The following NEDD4L variants were observed in gnomAD, a reference collection of about 807,000 sequenced individuals.
NEDD4L encodes E3 ubiquitin-protein ligase NEDD4-like.
In NEDD4L, 54 loss-of-function variants were observed where a neutral mutation model predicts 148.9. That is an observed-to-expected ratio of 0.36 (90% confidence interval 0.29 to 0.45). The LOEUF is 0.45. NEDD4L is among the 20% of genes least tolerant of loss of function. NEDD4L has a pLI of 1.00. For missense variants in NEDD4L, 856 were observed against 1,233.8 expected, an observed-to-expected ratio of 0.69 and a Z score of 4.59; for synonymous variants, 433 against 440.7, an observed-to-expected ratio of 0.98 and a Z score of 0.22.
intron 5 of NEDD4L, among the ~76,000 whole-genome samples, chr18:58,305,791 G>T (rs1289425934): frequency 1.3e-5 from 2 of 152,156 alleles, no homozygotes; most frequent in Non-Finnish European, 2.9e-5. Context: ...TCATCAAGCT[G>T]GTGTGTGGAA....
Position 58,256,923 on chromosome 18 carries a change from A to G in NEDD4L, c.297+4869A>G, listed in dbSNP as rs2048671027. ...GAATGTTTGGCCGAGTTCTGGCACG[A>G]TGATTTGTGGTCCAGTGTTTGGTGC... On this transcript the variant is annotated intron_variant, in intron 5 of 30. Transcript: ENST00000400345. This position sits in a 1 kb window ranked among gnomAD's most constrained non-coding sequence, Gnocchi z 5.2. 1 of 700,026 alleles carries G rather than the reference A, an allele frequency of 1.4e-6. No homozygotes were observed. Among genetic ancestry groups the G allele is most frequent in the African/African-American group, 1.8e-5 (1 of 54,240 alleles). 43.4% of individuals were successfully genotyped at this position (700,026 alleles called of 1,614,324 possible).
intron 1 of NEDD4L, among the ~76,000 whole-genome samples, chr18:58,133,758 A>T (rs2032479672): frequency 1.3e-5 from 2 of 152,206 alleles, no homozygotes; most frequent in African/African-American, 4.8e-5. Context: ...AATAGGACAC[A>T]GAGTTGCCAT....
rs1000052310 is a variant in NEDD4L at position 58,256,402 on chromosome 18, G to C, written c.297+4348G>C. On this transcript the variant is annotated intron_variant, in intron 5 of 30. Transcript: ENST00000400345. This position sits in a 1 kb window ranked among gnomAD's most constrained non-coding sequence, Gnocchi z 5.2. ...TGCAGCAGCCCCAACAAGGCGCTTC[G>C]GGGCCAGGCAGCGACCTCAACTTTG... 3 of 1,232,238 alleles carry C rather than the reference G, an allele frequency of 2.4e-6. No homozygotes were observed. The allele number at this position is 1,232,238 out of a possible 1,614,324, so 76.3% of individuals were successfully genotyped here. A position where few individuals can be genotyped will look rare whatever the true frequency, so the allele number is the denominator to read the frequency against.
At chr18:58,231,964 T>G (rs1408503958) in intron 2 of NEDD4L, among the ~76,000 whole-genome samples, 3 of 152,222 alleles carry the variant, frequency 2.0e-5, no homozygotes, top group African/African-American at 7.2e-5. Context: ...TGGTTAAATA[T>G]AACAGAGGTC....
At chr18:58,235,972 G>A (rs1396138777) in intron 2 of NEDD4L, among the ~76,000 whole-genome samples, 3 of 152,102 alleles carry the variant, frequency 2.0e-5, no homozygotes, top group Non-Finnish European at 4.4e-5. Context: ...GGCGGAGGCT[G>A]CAGTGAACTG....
intron 2 of NEDD4L, among the ~76,000 whole-genome samples, chr18:58,208,796 A>G (rs559794727): frequency 6.6e-6 from 1 of 152,342 alleles, no homozygotes; most frequent in Admixed American, 6.5e-5. Context: ...ACAGAGCTGT[A>G]TATCAAGCTG....
At chr18:58,271,255 T>A (rs2051001110) in intron 5 of NEDD4L, among the ~76,000 whole-genome samples, 1 of 152,166 alleles carries the variant, frequency 6.6e-6, no homozygotes, top group Non-Finnish European at 1.5e-5. Context: ...CCTTTAGGGT[T>A]AATGAATTTC....
At chr18:58,056,919 G>C (rs891704205) in intron 1 of NEDD4L, among the ~76,000 whole-genome samples, 3 of 75,726 alleles carry the variant, frequency 4.0e-5, no homozygotes, top group South Asian at 1.0e-3. Context: ...TTGTTTGTTT[G>C]TTTATAACTG....
intron 1 of NEDD4L, among the ~76,000 whole-genome samples, chr18:58,051,513 C>T (rs964458976): frequency 2.0e-5 from 3 of 150,790 alleles, no homozygotes; most frequent in African/African-American, 7.4e-5. Flanking sequence ...AACCTGTTTG[C>T]TTGTGCGGTG....
At chr18:58,231,743 TA>T (rs1332363812) in intron 2 of NEDD4L, among the ~76,000 whole-genome samples, 1 of 152,102 alleles carries the variant, frequency 6.6e-6, no homozygotes, top group Non-Finnish European at 1.5e-5. Flanking sequence ...TTTGTATTTT[TA>T]GTAGAGATGG....
chr18:58,156,953 G>A (rs1203630505), intron 1 of NEDD4L, among the ~76,000 whole-genome samples: 1 of 151,892 alleles, frequency 6.6e-6, no homozygotes, highest in Non-Finnish European at 1.5e-5. Context: ...GCAGAGGTGG[G>A]CAGATCTCTT....
chr18:58,358,366 T>A (rs749078080), intron 19 of NEDD4L, among the ~76,000 whole-genome samples: 24 of 152,190 alleles, frequency 1.6e-4, no homozygotes, highest in Non-Finnish European at 2.9e-5. Context: ...CTCTGATGCT[T>A]CCTTTTGATA....
intron 22 of NEDD4L, among the ~76,000 whole-genome samples, chr18:58,369,397 C>A (rs2046529363): frequency 6.6e-6 from 1 of 152,128 alleles, no homozygotes; most frequent in Admixed American, 6.5e-5. Flanking sequence ...CATAGATGGG[C>A]CTAGTCAGCA....
At chr18:58,120,554 C>T (rs1473704771) in intron 1 of NEDD4L, among the ~76,000 whole-genome samples, 6 of 151,900 alleles carry the variant, frequency 3.9e-5, no homozygotes, top group African/African-American at 7.3e-5. Context: ...CTGAGGCGGG[C>T]GGATCACGAG....
At position 58,385,512 on chromosome 18, in the gene NEDD4L, C is replaced by T; in HGVS notation, c.2427-14C>T. ...GATGGAGGTGGTTCAATATTGTCCTCTTTTCTCCTGCAGCTTAGTCATCCA... is the reference window on the plus strand; with the variant it reads ...GATGGAGGTGGTTCAATATTGTCCTTTTTTCTCCTGCAGCTTAGTCATCCA... On this transcript the variant is annotated splice_polypyrimidine_tract_variant and intron_variant, in intron 25 of 30. Transcript: ENST00000400345. 1 of 1,611,464 alleles carries T rather than the reference C, an allele frequency of 6.2e-7. No homozygotes were observed. Among genetic ancestry groups the T allele is most frequent in the Non-Finnish European group, 8.5e-7 (1 of 1,177,584 alleles).
At chr18:58,299,550 G>T (rs550676232) in intron 5 of NEDD4L, among the ~76,000 whole-genome samples, 206 of 152,242 alleles carry the variant, frequency 1.4e-3, no homozygotes, top group African/African-American at 4.8e-3. Flanking sequence ...GGAGCTAGTT[G>T]CCATTTACTG....
At chr18:58,298,440 C>T (rs1203939179) in intron 5 of NEDD4L, among the ~76,000 whole-genome samples, 3 of 152,104 alleles carry the variant, frequency 2.0e-5, no homozygotes, top group Non-Finnish European at 2.9e-5. Context: ...CTTGATTCAC[C>T]GTATGACTTG....
At chr18:58,124,937 C>CG (rs1416218700) in intron 1 of NEDD4L, among the ~76,000 whole-genome samples, 2 of 152,188 alleles carry the variant, frequency 1.3e-5, no homozygotes, top group African/African-American at 4.8e-5. Context: ...GGGTCTTACA[C>CG]TGTCACCCAA....
chr18:58,067,187 G>A (rs1324826234), intron 1 of NEDD4L, among the ~76,000 whole-genome samples: 1 of 152,176 alleles, frequency 6.6e-6, no homozygotes, highest in African/African-American at 2.4e-5. Context: ...TGGAGAATTG[G>A]AGTACTGGTT....
Sources: gnomAD v4.1 joint callset for allele counts (sites outside exome capture counted in the v4.1 genomes callset) on GRCh38, gnomAD v4.1.1 for gene constraint, Gnocchi (gnomAD v3.1) non-coding constraint, MANE v1.5 for transcripts, NCBI Gene and HGNC (gene_info 2026-07-23, HGNC 2026-07-21) for gene names.